Variants in FAM171A2 observed in about 807,000 individuals in gnomAD.
FAM171A2 encodes the protein protein FAM171A2.
Under a neutral mutation model 34.2 loss-of-function variants are expected in FAM171A2, and 13 were observed. That is an observed-to-expected ratio of 0.38 (90% CI 0.25 to 0.60). The LOEUF (loss-of-function observed/expected upper bound fraction) is 0.60. Among genes scored for constraint, FAM171A2 ranks in the 20% least tolerant of loss-of-function variants. FAM171A2 has a pLI of 0.62. For synonymous variants in FAM171A2, 475 were observed against 561.2 expected (o/e 0.85, Z 2.17); for missense variants, 950 against 1,180.7 (o/e 0.80, Z 2.86).
At chr17:44,363,105 TCC>T (rs2048454383) in intron 1 of FAM171A2, among the ~76,000 whole-genome samples, 1 of 147,904 alleles carries the variant, frequency 6.8e-6, no homozygotes, top group South Asian at 2.1e-4. Context: ...CCTCACCCAC[TCC>T]CCCTTCTCCC....
intron 1 of FAM171A2, among the ~76,000 whole-genome samples, chr17:44,361,842 G>A (rs1000938518): frequency 3.3e-5 from 5 of 152,186 alleles, no homozygotes; most frequent in African/African-American, 9.6e-5. Flanking sequence ...CTAGGAGGAC[G>A]TGTGCAAGGT....
Position 44,355,416 on chromosome 17 carries a change from T to G in FAM171A2, c.1023-225A>C, listed in dbSNP as rs899671038. 1.3e-5 allele frequency among the ~76,000 whole-genome samples: 2 copies of G among 152,210 alleles called. No individual in the cohort carries two copies. Among genetic ancestry groups the G allele is most frequent in the Non-Finnish European group, 2.9e-5 (2 of 68,028 alleles). ...TAGGATGTGCTGCGAGAACCAGGGA[T>G]GAGCATCTAAGCTGTCTATGGGTGT... is the stretch of plus-strand genomic sequence containing the variant. On this transcript the variant is annotated intron_variant, in intron 7 of 7. Transcript: ENST00000293443. The surrounding 1 kb of genome is among the most constrained non-coding windows in gnomAD (Gnocchi z 4.1).
Position 44,357,730 on chromosome 17 carries a change from CGTGT to C in FAM171A2, c.440-1146_440-1143del, listed in dbSNP as rs141824631. On this transcript the variant is annotated intron_variant, in intron 3 of 7. Transcript: ENST00000293443. ...GGCTACTGCATTAGACAGTTTAGGT[CGTGT>C]GTGTGTGTGTGTGTGTGTGTGTGTT... Among the ~76,000 whole-genome samples, 11 of 143,326 alleles carry C rather than the reference CGTGT, an allele frequency of 7.7e-5. 1 individual carries two copies. In the South Asian group the frequency reaches 9.0e-4, roughly 12 times the overall value. 94.0% of individuals were successfully genotyped at this position (143,326 alleles called of 152,430 possible).
rs2143367197 is a variant in FAM171A2 at position 44,355,129 on chromosome 17, C to T, written c.1085G>A (p.Gly362Asp). 1 of 1,551,054 alleles carries T rather than the reference C, an allele frequency of 6.4e-7. No individual in the cohort carries two copies. Among genetic ancestry groups the T allele is most frequent in the Non-Finnish European group, 8.7e-7 (1 of 1,146,928 alleles). ...CGAGGTGGCCTGGTCTCGTTTGTTA[C>T]CGTCAGAGGGCCCCGAGAGCTGCAG... is the stretch of plus-strand genomic sequence containing the variant. ...RKLQLSGPSD[G>D]NKRDQATSMS... Residue 362 changes from glycine to aspartate, a missense_variant, in exon 8 of 8, where the codon GGT (glycine) becomes GAT (aspartate). Coordinates refer to ENST00000293443, the MANE Select transcript of FAM171A2 (RefSeq NM_198475.3). The surrounding 1 kb of genome is among the most constrained non-coding windows in gnomAD (Gnocchi z 4.1).
At chr17:44,363,000 T>C (rs1447986467) in intron 1 of FAM171A2, among the ~76,000 whole-genome samples, 2 of 152,164 alleles carry the variant, frequency 1.3e-5, no homozygotes, top group African/African-American at 4.8e-5. Flanking sequence ...AAGCATTTAT[T>C]TGGTGCACCC....
intron 1 of FAM171A2, among the ~76,000 whole-genome samples, chr17:44,362,088 C>T (rs992011928): frequency 6.6e-6 from 1 of 151,792 alleles, no homozygotes; most frequent in African/African-American, 2.4e-5. Context: ...TCTGTGCCAA[C>T]CTTGCGGGTG....
rs1186779197 is a variant in FAM171A2 at position 44,356,280 on chromosome 17, T to G, written c.671A>C (p.Glu224Ala). 1 of 1,551,020 alleles carries G rather than the reference T, an allele frequency of 6.4e-7. No homozygotes were observed. The highest frequency in any genetic ancestry group is 1.4e-5 in the African/African-American group (1 of 73,018). Residue 224 changes from glutamate (E) to alanine (A), a missense_variant, in exon 5 of 8, where the codon GAG (glutamate) becomes GCG (alanine). Coordinates refer to ENST00000293443, the MANE Select transcript of FAM171A2 (RefSeq NM_198475.3). ...GTGAATGGGGCCTGAGAGCGGCACC[T>G]CTGTCCCATTACCTGTCAGCAGGTG... ...SVHLLTGNGT[E>A]VPLSGPIHLS...
At chr17:44,357,803 G>A (rs1174670150) in intron 3 of FAM171A2, among the ~76,000 whole-genome samples, 1 of 146,266 alleles carries the variant, frequency 6.8e-6, no homozygotes, top group Non-Finnish European at 1.5e-5. Flanking sequence ...ATACAATATG[G>A]TCACAGCTAA....
chr17:44,360,412 A>G (rs1016677851), intron 1 of FAM171A2, among the ~76,000 whole-genome samples: 5 of 152,226 alleles, frequency 3.3e-5, no homozygotes, highest in Non-Finnish European at 7.3e-5. Flanking sequence ...TGATGATGCC[A>G]TCGTTATAAC....
rs943051489 is a variant in FAM171A2, at chr17:44,356,219, G to A, written c.732C>T (p.Leu244=). 1.3e-6 allele frequency: 2 copies of A among 1,550,874 alleles called. No homozygotes were observed. The highest frequency in any genetic ancestry group is 1.4e-5 in the African/African-American group (1 of 73,018). ...AGGCTGGAATGCTGGTGCCCACGGT[G>A]AGGGCACGAGTCTCGGAGGGCACGG... ...SLPVPSETRA[L]TVGTSIPAWR... Residue 244 remains leucine (L), a synonymous_variant, in exon 5 of 8, where the codon CTC becomes CTT. Transcript: ENST00000293443.
Position 44,355,979 on chromosome 17 carries a change from C to T in FAM171A2, c.874G>A (p.Ala292Thr), listed in dbSNP as rs1204751747. Residue 292 changes from alanine (A) to threonine (T), a missense_variant, in exon 6 of 8, where the codon GCC becomes ACC. Ala to Thr is a moderately conservative substitution (Grantham distance 58). Coordinates refer to ENST00000293443, the MANE Select transcript of FAM171A2 (RefSeq NM_198475.3). This position sits in a 1 kb window ranked among gnomAD's most constrained non-coding sequence, Gnocchi z 4.1. ...VSPQLGYWVA[A>T]MASPTAGLVT... ...TTACCAGCCGTGGGGGAGGCCATGG[C>T]GGCCACCCAGTACCCCAGCTGGGGG... is the stretch of plus-strand genomic sequence containing the variant. 5.8e-6 allele frequency: 9 copies of T among 1,543,138 alleles called. No homozygotes were observed. Among genetic ancestry groups the T allele is most frequent in the South Asian group, 2.4e-5 (2 of 82,774 alleles).
chr17:44,355,020 G>A lies in FAM171A2; in HGVS notation c.1194C>T (p.Leu398=), dbSNP rs2048415304. The part of the protein sequence containing the change: ...GDPEAPPPGP[L]HSAFSSSRDL... ...CCCGGGAGCTGGAGAAGGCCGAGTGGAGGGGGCCTGGAGGCGGAGCCTCGG... is the reference window on the plus strand; with the variant it reads ...CCCGGGAGCTGGAGAAGGCCGAGTGAAGGGGGCCTGGAGGCGGAGCCTCGG... Residue 398 remains leucine, a synonymous_variant, in exon 8 of 8, where the codon CTC becomes CTT. Transcript: ENST00000293443. This position sits in a 1 kb window ranked among gnomAD's most constrained non-coding sequence, Gnocchi z 4.1. 2.6e-6 allele frequency: 4 copies of A among 1,525,824 alleles called. No individual in the cohort carries two copies. Among genetic ancestry groups the A allele is most frequent in the Non-Finnish European group, 3.5e-6 (4 of 1,136,622 alleles). The allele number at this position is 1,525,824 out of a possible 1,614,324, so 94.5% of individuals were successfully genotyped here.
intron 2 of FAM171A2, 90 bp from the exon 3 acceptor site, chr17:44,359,761 C>A: frequency 7.6e-7 from 1 of 1,324,132 alleles, no homozygotes; most frequent in South Asian, 1.3e-5. Flanking sequence ...AGAGGCTTCA[C>A]CCTCCCTCAG....
Position 44,354,483 on chromosome 17 carries a change from G to T in FAM171A2, c.1731C>A (p.Pro577=). The change falls in exon 8 of 8, where the codon CCC becomes CCA. Residue 577 remains proline, a synonymous_variant. Transcript: ENST00000293443. This position sits in a 1 kb window ranked among gnomAD's most constrained non-coding sequence, Gnocchi z 5.8. ...GTAPGPARAF[P]QPDPQRPQMP... ...TCTGCGGGCGCTGGGGGTCGGGCTG[G>T]GGAAAAGCGCGCGCCGGGCCGGGTG... The T allele has an allele frequency of 9.3e-7, 1 of 1,079,316 alleles. No individual in the cohort carries two copies. The highest frequency in any genetic ancestry group is 1.1e-6 in the Non-Finnish European group (1 of 890,780). 66.9% of individuals were successfully genotyped at this position (1,079,316 alleles called of 1,614,324 possible).
In FAM171A2 at chr17:44,356,141, C is replaced by A. The variant is rs1240083454; in HGVS notation, c.778+32G>T. ...CTCAAGTCCCACTTTCTTCTCTCAA[C>A]TCAAGCACCTGCAGCCCCCTGAGGC... On this transcript the variant is annotated intron_variant, in intron 5 of 7. Transcript: ENST00000293443. 8 of 1,527,558 alleles carry A rather than the reference C, an allele frequency of 5.2e-6. No homozygotes were observed. In the East Asian group the frequency reaches 2.0e-4, roughly 38 times the overall value. 94.6% of individuals were successfully genotyped at this position (1,527,558 alleles called of 1,614,324 possible).
chr17:44,358,483 A>T (rs1471052975), intron 3 of FAM171A2, among the ~76,000 whole-genome samples: 2 of 152,130 alleles, frequency 1.3e-5, no homozygotes, highest in African/African-American at 4.8e-5. Flanking sequence ...ACCTGAGGTC[A>T]GGAGTTCGAG....
chr17:44,362,546 C>T (rs1419361914), intron 1 of FAM171A2, among the ~76,000 whole-genome samples: 1 of 152,220 alleles, frequency 6.6e-6, no homozygotes, highest in African/African-American at 2.4e-5. Context: ...AGGGATGGGG[C>T]CCACAGGCAG....
In FAM171A2 at chr17:44,354,087, G is replaced by A; in HGVS notation, c.2127C>T (p.Arg709=). The change falls in exon 8 of 8, where the codon CGC becomes CGT. Residue 709 remains arginine, a synonymous_variant. Transcript: ENST00000293443. The surrounding 1 kb of genome is among the most constrained non-coding windows in gnomAD (Gnocchi z 5.8). ...RRRPAREERE[R]APPAAPPPPP... is the part of the protein sequence containing the mutation. ...GCGGCGGCGGCGCGGCAGGCGGGGCGCGCTCCCGCTCCTCCCTCGCGGGCC... is the reference window on the plus strand; with the variant it reads ...GCGGCGGCGGCGCGGCAGGCGGGGCACGCTCCCGCTCCTCCCTCGCGGGCC... 9.0e-7 allele frequency: 1 copy of A among 1,106,112 alleles called. No individual in the cohort carries two copies. The highest frequency in any genetic ancestry group is 1.1e-6 in the Non-Finnish European group (1 of 907,890). 68.5% of individuals were successfully genotyped at this position (1,106,112 alleles called of 1,614,324 possible).
intron 1 of FAM171A2, among the ~76,000 whole-genome samples, chr17:44,363,219 A>AC (rs2048455009): frequency 6.6e-6 from 1 of 151,812 alleles, no homozygotes; most frequent in Admixed American, 6.6e-5. Flanking sequence ...GGAGCGAGCA[A>AC]CCCGCAGGGG....
Sources: allele counts gnomAD v4.1 joint callset (sites outside exome capture counted in the v4.1 genomes callset), GRCh38; gene constraint gnomAD v4.1.1; non-coding constraint Gnocchi (gnomAD v3.1); transcripts MANE v1.5; gene names NCBI Gene and HGNC (gene_info 2026-07-23, HGNC 2026-07-21).